SARNP: variants seen among roughly 807,000 people sequenced by gnomAD.
SARNP encodes the protein SAP domain containing ribonucleoprotein, also known as SAP domain-containing ribonucleoprotein.
A neutral mutation model predicts 38.1 loss-of-function variants in SARNP; 5 were observed. That is an observed-to-expected ratio of 0.13 (90% CI 0.07 to 0.28). The LOEUF is 0.28. Among genes scored for constraint, SARNP ranks in the 10% least tolerant of loss-of-function variants. The pLI is 1.00. For missense variants in SARNP, 180 were observed against 243.9 expected (o/e 0.74, Z 1.75); for synonymous variants, 84 against 80.6 (o/e 1.04, Z -0.23).
rs1879964174 is a variant in SARNP at position 55,800,998 on chromosome 12, A to T, written c.137-98T>A. Reference sequence around the variant, plus strand: ...ATAATCACTTTGCTTTCCCCCAAAAAATCCAACAGTGAAGGCAGAAACTGA... The same window carrying T: ...ATAATCACTTTGCTTTCCCCCAAAATATCCAACAGTGAAGGCAGAAACTGA... On this transcript the variant is annotated intron_variant, in intron 2 of 10. Transcript: ENST00000336133. The T allele has an allele frequency of 3.0e-6, 3 of 1,005,380 alleles. No homozygotes were observed. In the Admixed American group the frequency reaches 5.3e-5, roughly 18 times the overall value. The allele number at this position is 1,005,380 out of a possible 1,614,324, so 62.3% of individuals were successfully genotyped here. A position where few individuals can be genotyped will look rare whatever the true frequency, so the allele number is the denominator to read the frequency against.
rs138972288 is a variant in SARNP at position 55,812,970 on chromosome 12, G to A, written c.36+4696C>T. Among the ~76,000 whole-genome samples, 481 of 151,436 alleles carry A rather than the reference G, an allele frequency of 3.2e-3. 1 individual carries two copies. The highest frequency in any genetic ancestry group is 0.011 in the African/African-American group (443 of 41,240). ...TTAGCTGATTTTTTTTTTTTGAGAC[G>A]GAGTCTCACTCTGTTGCCCAGGCTG... On this transcript the variant is annotated intron_variant, in intron 1 of 10. Coordinates refer to ENST00000336133, the MANE Select transcript of SARNP (RefSeq NM_033082.4).
At chr12:55,803,327 T>C (rs1484711129) in intron 2 of SARNP, among the ~76,000 whole-genome samples, 1 of 151,820 alleles carries the variant, frequency 6.6e-6, no homozygotes, top group African/African-American at 2.4e-5. Flanking sequence ...CTACTAAAAA[T>C]ACAAAAATCA....
At chr12:55,797,224 C>G (rs1031514343) in intron 4 of SARNP, among the ~76,000 whole-genome samples, 1 of 152,318 alleles carries the variant, frequency 6.6e-6, no homozygotes, top group Admixed American at 6.5e-5. Context: ...AGAACTTACT[C>G]TCTTCCACCC....
chr12:55,807,256 TAC>T (rs1215397704), intron 1 of SARNP, among the ~76,000 whole-genome samples: 1 of 152,218 alleles, frequency 6.6e-6, no homozygotes, highest in African/African-American at 2.4e-5. Flanking sequence ...TCTAAAAGCT[TAC>T]ACTCGGTTTT....
intron 9 of SARNP, chr12:55,761,527 A>T (rs1401101407): frequency 6.6e-6 from 1 of 152,246 alleles, no homozygotes; most frequent in Non-Finnish European, 1.5e-5. Context: ...AATGCTGTGG[A>T]CATTTTCCAA....
At chr12:55,811,633 T>C (rs1286038707) in intron 1 of SARNP, among the ~76,000 whole-genome samples, 2 of 152,176 alleles carry the variant, frequency 1.3e-5, no homozygotes, top group African/African-American at 4.8e-5. Flanking sequence ...AGTAGACCAA[T>C]ATGCCAGCTC....
downstream of SARNP, chr12:55,753,770 C>CAAAAAA (rs35350773): frequency 3.9e-5 from 2 of 51,096 alleles, no homozygotes; most frequent in African/African-American, 8.6e-5. Context: ...CTCCCATCTC[C>CAAAAAA]AAAAAAAAAA....
chr12:55,779,642 C>T lies in SARNP; in HGVS notation c.501+9433G>A, dbSNP rs185098301. On this transcript the variant is annotated intron_variant, in intron 9 of 10. Transcript: ENST00000336133. ...CTTCCTTTGGAAAAGGTTTATACAG[C>T]CATACTTAAACTAAGAAATCCTAAT... Among the ~76,000 whole-genome samples the T allele has an allele frequency of 9.2e-5, 14 of 152,184 alleles. No individual in the cohort carries two copies. In the East Asian group the frequency reaches 2.5e-3, roughly 27 times the overall value.
intron 9 of SARNP, among the ~76,000 whole-genome samples, chr12:55,771,699 G>GC (rs1010317767): frequency 3.3e-5 from 5 of 152,054 alleles, no homozygotes; most frequent in African/African-American, 9.7e-5. Context: ...ACAAATAACT[G>GC]CCCCCCTTTG....
downstream of SARNP, chr12:55,752,473 G>C (rs143280659): frequency 6.6e-6 from 1 of 152,198 alleles, no homozygotes; most frequent in Non-Finnish European, 1.5e-5. Flanking sequence ...GAGGCACAGA[G>C]TGAAGGGACT....
intron 1 of SARNP, among the ~76,000 whole-genome samples, chr12:55,810,366 G>A (rs1880288448): frequency 6.6e-6 from 1 of 152,198 alleles, no homozygotes; most frequent in South Asian, 2.1e-4. Flanking sequence ...TCCTGCCTCA[G>A]CCTCCCAAAG....
Position 55,796,381 on chromosome 12 carries a change from T to C in SARNP, c.252-305A>G, listed in dbSNP as rs573455665. ...TCAAAGGACACCAGAAACCATCTCATTTGCTTTTAGGAACTTTTCAATTTA... is the reference window on the plus strand; with the variant it reads ...TCAAAGGACACCAGAAACCATCTCACTTGCTTTTAGGAACTTTTCAATTTA... On this transcript the variant is annotated intron_variant, in intron 4 of 10. Coordinates refer to ENST00000336133, the MANE Select transcript of SARNP (RefSeq NM_033082.4). Among the ~76,000 whole-genome samples the C allele has an allele frequency of 1.1e-4, 17 of 152,200 alleles. 1 individual carries two copies. The South Asian group carries it at 2.7e-3, about 24-fold the overall frequency.
chr12:55,803,397 T>C (rs1592579403), intron 2 of SARNP, among the ~76,000 whole-genome samples: 1 of 151,734 alleles, frequency 6.6e-6, no homozygotes, highest in African/African-American at 2.4e-5. Flanking sequence ...GACAGGAGAA[T>C]TGGTTGAAGC....
At chr12:55,793,979 TA>T (rs1436544797) in intron 7 of SARNP, 1 of 203,412 alleles carries the variant, frequency 4.9e-6, no homozygotes, top group Non-Finnish European at 9.9e-6. Flanking sequence ...TTCCTAGAAG[TA>T]AAACTGTTAA....
downstream of SARNP, chr12:55,756,771 A>G (rs1042174437): frequency 6.6e-6 from 1 of 152,096 alleles, no homozygotes; most frequent in Admixed American, 6.6e-5. Context: ...CTGCATACAA[A>G]ATTTCTTCTG....
At chr12:55,792,932 G>A (rs527993911) in intron 7 of SARNP, 4 of 152,004 alleles carry the variant, frequency 2.6e-5, no homozygotes, top group East Asian at 1.9e-4. Flanking sequence ...TGATCCTCCC[G>A]GCTTGGCATC....
chr12:55,788,476 A>AT (rs1484807669), intron 9 of SARNP, among the ~76,000 whole-genome samples: 1 of 152,190 alleles, frequency 6.6e-6, no homozygotes, highest in Non-Finnish European at 1.5e-5. Context: ...ACATCACTGA[A>AT]TTTAACATCT....
In SARNP at chr12:55,813,613, C is replaced by T. The variant is rs144278210; in HGVS notation, c.36+4053G>A. Among the ~76,000 whole-genome samples, 470 of 135,252 alleles carry T rather than the reference C, an allele frequency of 3.5e-3. 2 individuals are homozygous for T. Among genetic ancestry groups the T allele is most frequent in the African/African-American group, 0.013 (453 of 35,436 alleles). The allele number at this position is 135,252 out of a possible 152,430, so 88.7% of individuals were successfully genotyped here. On this transcript the variant is annotated intron_variant, in intron 1 of 10. Transcript: ENST00000336133. Reference sequence around the variant, plus strand: ...AGGCTGGAGTGCAATGGTGCCATATCGGCTCACCGCAACCTCCACCTACGC... The same window carrying T: ...AGGCTGGAGTGCAATGGTGCCATATTGGCTCACCGCAACCTCCACCTACGC...
chr12:55,763,424 G>A (rs1247388800), intron 9 of SARNP, among the ~76,000 whole-genome samples: 3 of 151,662 alleles, frequency 2.0e-5, no homozygotes, highest in African/African-American at 7.3e-5. Flanking sequence ...GGATTCTCCC[G>A]CCTCAGCCTC....
Sources: gnomAD v4.1 joint callset for allele counts (sites outside exome capture counted in the v4.1 genomes callset) on GRCh38, gnomAD v4.1.1 for gene constraint, MANE v1.5 for transcripts, NCBI Gene and HGNC (gene_info 2026-07-23, HGNC 2026-07-21) for gene names.